MRPL47: variants seen among roughly 807,000 people sequenced by gnomAD.
MRPL47 encodes large ribosomal subunit protein uL29m.
A neutral mutation model predicts 34.0 loss-of-function variants in MRPL47; 31 were observed. The ratio of observed to expected loss-of-function variants is 0.91; its 90% CI spans 0.68 to 1.23. MRPL47 has a LOEUF of 1.23. MRPL47 is among the 50% of genes most tolerant of loss of function. MRPL47 has a pLI of 0.00. For synonymous variants in MRPL47, 106 were observed against 101.6 expected, an observed-to-expected ratio of 1.04 and a Z score of -0.26; for missense variants, 328 against 285.8, an observed-to-expected ratio of 1.15 and a Z score of -1.07.
intron 4 of MRPL47, among the ~76,000 whole-genome samples, chr3:179,597,445 A>G (rs553279167): frequency 6.6e-6 from 1 of 152,302 alleles, no homozygotes; most frequent in African/African-American, 2.4e-5. Flanking sequence ...ACTACTTACT[A>G]TGCCACAGAA....
At position 179,604,611 on chromosome 3, in the gene MRPL47, C is replaced by T; in HGVS notation, c.14G>A (p.Gly5Asp). ...AACTCTCCTACAAAGAAGGGCCAAACCGGCCGCAGCCATGTTTTCGCATAA... is the reference window on the plus strand; with the variant it reads ...AACTCTCCTACAAAGAAGGGCCAAATCGGCCGCAGCCATGTTTTCGCATAA... MAAA[G>D]LALLCRRVSS... Residue 5 changes from glycine to aspartate, a missense_variant, in exon 1 of 7, where the codon GGT becomes GAT. Gly to Asp is a moderately conservative substitution (Grantham distance 94). Coordinates refer to ENST00000476781, the MANE Select transcript of MRPL47 (RefSeq NM_020409.3). 6.2e-7 allele frequency: 1 copy of T among 1,614,198 alleles called. No homozygotes were observed. The highest frequency in any genetic ancestry group is 8.5e-7 in the Non-Finnish European group (1 of 1,180,038).
At chr3:179,590,828 A>C (rs1718658001) in intron 6 of MRPL47, among the ~76,000 whole-genome samples, 1 of 147,702 alleles carries the variant, frequency 6.8e-6, no homozygotes, top group African/African-American at 2.5e-5. Flanking sequence ...TGGGAGAAGA[A>C]AAGACAGATC....
chr3:179,597,285 C>T (rs1308173350), intron 4 of MRPL47, among the ~76,000 whole-genome samples: 1 of 152,040 alleles, frequency 6.6e-6, no homozygotes, highest in African/African-American at 2.4e-5. Flanking sequence ...CATTTTATAC[C>T]TTCTTTGATT....
intron 4 of MRPL47, among the ~76,000 whole-genome samples, chr3:179,595,801 C>G (rs1473424093): frequency 6.6e-6 from 1 of 152,200 alleles, no homozygotes; most frequent in African/African-American, 2.4e-5. Context: ...CCTCAAAGAG[C>G]CTTCTTTTCT....
intron 5 of MRPL47, 62 bp from the exon 6 acceptor site, chr3:179,592,801 T>G (rs571013356): frequency 9.6e-7 from 1 of 1,036,506 alleles, no homozygotes; most frequent in African/African-American, 1.6e-5. Context: ...TTCACTTTCC[T>G]AATTTACCTC....
intron 1 of MRPL47, among the ~76,000 whole-genome samples, chr3:179,603,577 T>C (rs1269357300): frequency 1.3e-5 from 2 of 152,142 alleles, no homozygotes; most frequent in Admixed American, 6.5e-5. Flanking sequence ...TTTTGCAACA[T>C]GTATCAGGAG....
Position 179,588,847 on chromosome 3 carries a change from T to A in MRPL47, c.*25A>T. ...CACAGACTATTCAAGAAAAACAAAA[T>A]GGTAAATTTAATAGTTCAGACATCT... On this transcript the variant is annotated 3_prime_UTR_variant, in exon 7 of 7. Transcript: ENST00000476781. 6.2e-7 allele frequency: 1 copy of A among 1,603,714 alleles called. No homozygotes were observed. The highest frequency in any genetic ancestry group is 8.5e-7 in the Non-Finnish European group (1 of 1,175,770).
At chr3:179,601,406 C>A (rs1718923090) in intron 3 of MRPL47, among the ~76,000 whole-genome samples, 1 of 151,830 alleles carries the variant, frequency 6.6e-6, no homozygotes, top group Non-Finnish European at 1.5e-5. Context: ...GACCTTGTCT[C>A]AAAGAAAAAA....
intron 5 of MRPL47, among the ~76,000 whole-genome samples, chr3:179,593,138 T>C (rs904699021): frequency 6.6e-6 from 1 of 152,218 alleles, no homozygotes; most frequent in Admixed American, 6.5e-5. Context: ...TTACACCAGG[T>C]CTTCTCAGTT....
chr3:179,593,809 A>G lies in MRPL47; in HGVS notation c.489T>C (p.Ala163=), dbSNP rs996124105. The change falls in exon 5 of 7, where the codon GCT becomes GCC. Residue 163 remains alanine (A), a synonymous_variant. Coordinates refer to ENST00000476781, the MANE Select transcript of MRPL47 (RefSeq NM_020409.3). ...LRLLQTGQER[A]RPGAWRRDIF... is the part of the protein sequence containing the mutation. ...TGTCTCTTCTCCAAGCACCAGGTCTAGCTCTTTCTTGACCAGTCTGAAGAA... is the reference window on the plus strand; with the variant it reads ...TGTCTCTTCTCCAAGCACCAGGTCTGGCTCTTTCTTGACCAGTCTGAAGAA... 1.2e-6 allele frequency: 2 copies of G among 1,613,806 alleles called. No homozygotes were observed. Among genetic ancestry groups the G allele is most frequent in the African/African-American group, 2.7e-5 (2 of 74,914 alleles).
intron 1 of MRPL47, 87 bp downstream of exon 1, chr3:179,604,440 G>C: frequency 1.5e-6 from 2 of 1,332,424 alleles, no homozygotes; most frequent in Non-Finnish European, 2.1e-6. Context: ...TTCCATTCTT[G>C]AGTTGTTCTC....
chr3:179,601,499 A>C (rs1316054762), intron 3 of MRPL47, among the ~76,000 whole-genome samples: 1 of 152,244 alleles, frequency 6.6e-6, no homozygotes, highest in African/African-American at 2.4e-5. Flanking sequence ...GACCAATGTA[A>C]ATTACAGTAA....
intron 5 of MRPL47, among the ~76,000 whole-genome samples, chr3:179,593,455 G>A (rs905866032): frequency 1.3e-5 from 2 of 152,130 alleles, no homozygotes; most frequent in African/African-American, 4.8e-5. Flanking sequence ...CTGAGGAAAC[G>A]ATCCCTAACT....
At chr3:179,604,642 AAAAC>A, upstream of MRPL47, 1 of 1,614,038 alleles carries the variant, frequency 6.2e-7, no homozygotes, top group African/African-American at 1.3e-5. Flanking sequence ...CATAACTGGC[AAAAC>A]GCGTTTCCGC....
chr3:179,602,454 C>A (rs1718947346), intron 2 of MRPL47, among the ~76,000 whole-genome samples, 198 bp downstream of exon 2: 1 of 152,004 alleles, frequency 6.6e-6, no homozygotes, highest in South Asian at 2.1e-4. Context: ...ACCATCTTGC[C>A]AATCTGCCAA....
chr3:179,598,429 C>CAAAA (rs1553779599), intron 4 of MRPL47, among the ~76,000 whole-genome samples: 4 of 118,802 alleles, frequency 3.4e-5, no homozygotes, highest in Admixed American at 8.7e-5. Flanking sequence ...CACACACAAA[C>CAAAA]AAAAAAAAAA....
intron 2 of MRPL47, 21 bp from the exon 3 acceptor site, chr3:179,601,811 A>G (rs1718933585): frequency 6.4e-7 from 1 of 1,565,442 alleles, no homozygotes; most frequent in African/African-American, 1.4e-5. Flanking sequence ...AATACATAAC[A>G]TGAAATAACA....
chr3:179,589,181 GAA>G (rs1576863547), intron 6 of MRPL47, among the ~76,000 whole-genome samples, 186 bp from the exon 7 acceptor site: 1 of 152,136 alleles, frequency 6.6e-6, no homozygotes, highest in East Asian at 1.9e-4. Flanking sequence ...AAGAGCATCT[GAA>G]ACCCTATACC....
chr3:179,591,699 A>C (rs954926591), intron 6 of MRPL47, among the ~76,000 whole-genome samples: 2 of 152,252 alleles, frequency 1.3e-5, no homozygotes, highest in Non-Finnish European at 2.9e-5. Flanking sequence ...CTCACATTGT[A>C]TGCAACTGAA....
Sources: gnomAD v4.1 joint callset for allele counts (sites outside exome capture counted in the v4.1 genomes callset) on GRCh38, gnomAD v4.1.1 for gene constraint, MANE v1.5 for transcripts, NCBI Gene and HGNC (gene_info 2026-07-23, HGNC 2026-07-21) for gene names.